The following ADAM10 variants were observed in gnomAD, a reference collection of about 807,000 sequenced individuals.
ADAM10 encodes ADAM metallopeptidase domain 10.
ADAM10 carries 17 observed loss-of-function variants against 90.1 expected under a neutral mutation model. The observed-to-expected ratio is 0.19, with a 90% CI of 0.13 to 0.28. ADAM10 has a LOEUF of 0.28. Ranked by LOEUF, ADAM10 falls within the 10% of genes least tolerant of loss-of-function variation. ADAM10 has a pLI of 1.00. For synonymous variants in ADAM10, 310 were observed against 298.6 expected (o/e 1.04, Z -0.40); for missense variants, 610 against 914.3 (o/e 0.67, Z 4.29).
chr15:58,604,390 C>CTTTGTTTATT (rs1395609927), intron 14 of ADAM10, among the ~76,000 whole-genome samples: 2 of 152,122 alleles, frequency 1.3e-5, no homozygotes, highest in Admixed American at 1.3e-4. Flanking sequence ...GAACTTAGCT[C>CTTTGTTTATT]TGGCGTTATC....
chr15:58,610,276 G>C (rs767527189), intron 14 of ADAM10, 21 bp downstream of exon 14: 2 of 1,605,322 alleles, frequency 1.2e-6, no homozygotes, highest in Admixed American at 3.3e-5. Context: ...AGTTTTCTTT[G>C]TAAATAAAAA....
intron 8 of ADAM10, among the ~76,000 whole-genome samples, chr15:58,638,751 G>A (rs1253671115): frequency 6.6e-6 from 1 of 151,764 alleles, no homozygotes; most frequent in Non-Finnish European, 1.5e-5. Flanking sequence ...CATAAACACT[G>A]AGTGTCCCAA....
At chr15:58,630,961 G>A (rs1251694339) in intron 9 of ADAM10, among the ~76,000 whole-genome samples, 1 of 152,172 alleles carries the variant, frequency 6.6e-6, no homozygotes. Context: ...TGCTCTTCCT[G>A]AAGGGTTGGA....
chr15:58,736,146 T>A (rs1416086562), intron 1 of ADAM10, among the ~76,000 whole-genome samples: 2 of 152,158 alleles, frequency 1.3e-5, no homozygotes, highest in African/African-American at 4.8e-5. Context: ...CTTATTAACA[T>A]CTTCACCAGA....
chr15:58,728,681 G>T (rs1899122798), intron 1 of ADAM10, among the ~76,000 whole-genome samples: 1 of 152,018 alleles, frequency 6.6e-6, no homozygotes, highest in Non-Finnish European at 1.5e-5. Context: ...AATTTATAAA[G>T]TTACAAAAGT....
At chr15:58,686,497 T>C in intron 2 of ADAM10, 4 of 1,424,078 alleles carry the variant, frequency 2.8e-6, no homozygotes, top group Non-Finnish European at 3.9e-6. Context: ...TCAATGTCTC[T>C]CAGGCAGCCG....
rs77388727 is a variant in ADAM10 at position 58,638,570 on chromosome 15, G to A, written c.1012+2207C>T. On this transcript the variant is annotated intron_variant, in intron 8 of 15. Transcript: ENST00000260408. ...GTGGAGGTTGCAGTGAGCGGAGATC[G>A]CGCCACTGCACTCCAGCCTGGGTGA... is the stretch of plus-strand genomic sequence containing the variant. 0.016 allele frequency among the ~76,000 whole-genome samples: 2,368 copies of A among 144,226 alleles called. 107 individuals carry two copies. In the East Asian group the frequency reaches 0.18, roughly 11 times the overall value. The allele number at this position is 144,226 out of a possible 152,430, so 94.6% of individuals were successfully genotyped here. A position where few individuals can be genotyped will look rare whatever the true frequency, so the allele number is the denominator to read the frequency against.
intron 5 of ADAM10, among the ~76,000 whole-genome samples, chr15:58,664,409 TAAG>T (rs1372453523): frequency 6.6e-6 from 1 of 152,100 alleles, no homozygotes; most frequent in Non-Finnish European, 1.5e-5. Context: ...TCAATACATA[TAAG>T]AATAAAATCT....
chr15:58,695,738 T>C (rs1897959176), intron 2 of ADAM10, among the ~76,000 whole-genome samples: 2 of 152,190 alleles, frequency 1.3e-5, no homozygotes, highest in South Asian at 4.2e-4. Flanking sequence ...TCCCAACATT[T>C]TGGGAGGCTG....
At chr15:58,724,899 T>C (rs1310142275) in intron 1 of ADAM10, among the ~76,000 whole-genome samples, 1 of 152,136 alleles carries the variant, frequency 6.6e-6, no homozygotes, top group Non-Finnish European at 1.5e-5. Flanking sequence ...GGAGTGAAAT[T>C]AGCCACAGAG....
chr15:58,649,017 A>T (rs1423828239), intron 5 of ADAM10, among the ~76,000 whole-genome samples: 1 of 152,042 alleles, frequency 6.6e-6, no homozygotes, highest in Non-Finnish European at 1.5e-5. Context: ...ATCCAATCTG[A>T]TAATATTTAT....
At chr15:58,636,451 A>C (rs1444337778) in intron 8 of ADAM10, among the ~76,000 whole-genome samples, 1 of 152,244 alleles carries the variant, frequency 6.6e-6, no homozygotes, top group African/African-American at 2.4e-5. Context: ...ATGAGGTATC[A>C]TATATACCCA....
chr15:58,625,454 A>C (rs1210053406), intron 10 of ADAM10, among the ~76,000 whole-genome samples: 1 of 152,204 alleles, frequency 6.6e-6, no homozygotes, highest in Non-Finnish European at 1.5e-5. Context: ...AAACCATGAG[A>C]TATCACAGCA....
chr15:58,625,983 A>T (rs201819410), intron 10 of ADAM10, among the ~76,000 whole-genome samples: 3 of 117,052 alleles, frequency 2.6e-5, no homozygotes, highest in East Asian at 5.5e-4. Context: ...ACAGGGTAGC[A>T]GGGGGGAGGA....
rs147876548 is a variant in ADAM10, at chr15:58,696,543, G to A, written c.207-14229C>T. Among the ~76,000 whole-genome samples, 120 of 145,202 alleles carry A rather than the reference G, an allele frequency of 8.3e-4. 1 individual carries two copies. Among genetic ancestry groups the A allele is most frequent in the African/African-American group, 6.2e-4 (24 of 39,024 alleles). ...TGCAATGCAGCGATCTCGGCTCACCGCAACCTCCGCCTCCCAGGTTCAAGT... is the reference window on the plus strand; with the variant it reads ...TGCAATGCAGCGATCTCGGCTCACCACAACCTCCGCCTCCCAGGTTCAAGT... On this transcript the variant is annotated intron_variant, in intron 2 of 15. Transcript: ENST00000260408.
chr15:58,607,782 C>A (rs1281769810), intron 14 of ADAM10, among the ~76,000 whole-genome samples: 1 of 152,100 alleles, frequency 6.6e-6, no homozygotes, highest in East Asian at 1.9e-4. Flanking sequence ...GGAAACACAA[C>A]AATACATTTG....
intron 1 of ADAM10, among the ~76,000 whole-genome samples, chr15:58,731,664 G>A (rs1899249205): frequency 6.6e-6 from 1 of 151,966 alleles, no homozygotes; most frequent in Non-Finnish European, 1.5e-5. Flanking sequence ...GTATGAGAGG[G>A]CATTTTGCAG....
intron 2 of ADAM10, among the ~76,000 whole-genome samples, chr15:58,714,995 G>C (rs1298435953): frequency 6.6e-6 from 1 of 152,092 alleles, no homozygotes; most frequent in African/African-American, 2.4e-5. Context: ...AAATGACCAC[G>C]GTTTAGGGCA....
chr15:58,743,803 G>A (rs570536666), intron 1 of ADAM10, among the ~76,000 whole-genome samples: 104 of 152,124 alleles, frequency 6.8e-4, no homozygotes, highest in African/African-American at 2.1e-3. Context: ...AGGGGGTTTC[G>A]CCATGTTGGG....
Sources: allele counts gnomAD v4.1 joint callset (sites outside exome capture counted in the v4.1 genomes callset), GRCh38; gene constraint gnomAD v4.1.1; transcripts MANE v1.5; gene names NCBI Gene and HGNC (gene_info 2026-07-23, HGNC 2026-07-21).